PDE10A: variants seen among roughly 807,000 people sequenced by gnomAD.
PDE10A encodes the protein phosphodiesterase 10A, also known as cAMP and cAMP-inhibited cGMP 3',5'-cyclic phosphodiesterase 10A.
In PDE10A, 39 loss-of-function variants were observed where a neutral mutation model predicts 97.7. That is an observed-to-expected ratio of 0.40 (90% CI 0.31 to 0.52). The LOEUF is 0.52. PDE10A is among the 20% of genes least tolerant of loss of function. The pLI is 0.56. For missense variants in PDE10A, 731 were observed against 1,047.8 expected (o/e 0.70, Z 4.17); for synonymous variants, 371 against 376.8 (o/e 0.98, Z 0.18).
Position 165,875,288 on chromosome 6 carries a change from T to A in PDE10A, c.-615+112241A>T, listed in dbSNP as rs777526962. Reference sequence around the variant, plus strand: ...GCAAAAATGGACCACAGTATGAACATCAAAACCTTGATCTCTTATGAAATG... The same window carrying A: ...GCAAAAATGGACCACAGTATGAACAACAAAACCTTGATCTCTTATGAAATG... On this transcript the variant is annotated intron_variant, in intron 1 of 19. Transcript: ENST00000366882. 1.8e-4 allele frequency among the ~76,000 whole-genome samples: 28 copies of A among 152,254 alleles called. 1 individual carries two copies. Among genetic ancestry groups the A allele is most frequent in the Non-Finnish European group, 3.4e-4 (23 of 68,024 alleles).
chr6:165,916,005 C>T (rs947426476), intron 1 of PDE10A, among the ~76,000 whole-genome samples: 1 of 152,202 alleles, frequency 6.6e-6, no homozygotes, highest in East Asian at 1.9e-4. Context: ...TAACTTCGGC[C>T]ATGTCATTAG....
intron 5 of PDE10A, among the ~76,000 whole-genome samples, chr6:165,437,286 ATGTT>A (rs900200594): frequency 1.3e-5 from 2 of 152,060 alleles, no homozygotes; most frequent in Non-Finnish European, 2.9e-5. Flanking sequence ...ATTTAATCAC[ATGTT>A]TAAGTTATAC....
intron 1 of PDE10A, among the ~76,000 whole-genome samples, chr6:165,945,135 G>A (rs951352628): frequency 6.6e-6 from 1 of 152,190 alleles, no homozygotes; most frequent in Non-Finnish European, 1.5e-5. Flanking sequence ...TGCAGCTTCT[G>A]ACTTGGTTGC....
intron 20 of PDE10A, 22 bp from the exon 21 acceptor site, chr6:165,336,233 G>C (rs774929597): frequency 1.3e-6 from 2 of 1,575,586 alleles, no homozygotes; most frequent in South Asian, 1.1e-5. Context: ...CAAAAACCAC[G>C]GACAAGAAAC....
intron 2 of PDE10A, among the ~76,000 whole-genome samples, chr6:165,540,409 TTTCA>T (rs1315809054): frequency 6.6e-6 from 1 of 152,222 alleles, no homozygotes. Flanking sequence ...CACGGTTTTA[TTTCA>T]TTTTCTTTTT....
intron 1 of PDE10A, among the ~76,000 whole-genome samples, chr6:165,936,017 G>A (rs79354029): frequency 0.032 from 4,892 of 152,320 alleles, 248 homozygotes; most frequent in African/African-American, 0.11. Flanking sequence ...TTGGATGTAG[G>A]TGATGCACAT....
chr6:165,591,911 C>T (rs1157746894), intron 1 of PDE10A, among the ~76,000 whole-genome samples: 3 of 152,092 alleles, frequency 2.0e-5, no homozygotes, highest in Non-Finnish European at 4.4e-5. Flanking sequence ...CATTTTAAAA[C>T]ACAAATAGAC....
intron 1 of PDE10A, among the ~76,000 whole-genome samples, chr6:165,959,688 C>T (rs1469365337): frequency 6.6e-6 from 1 of 152,138 alleles, no homozygotes; most frequent in African/African-American, 2.4e-5. Flanking sequence ...TTGAGCCTGA[C>T]CCCCAGGGGA....
intron 1 of PDE10A, among the ~76,000 whole-genome samples, chr6:165,964,755 T>C (rs1784460515): frequency 1.3e-5 from 2 of 152,230 alleles, no homozygotes; most frequent in African/African-American, 2.4e-5. Flanking sequence ...AGCTAAAATA[T>C]TCCTTAAACA....
At chr6:165,613,777 A>G (rs1265657917) in intron 1 of PDE10A, among the ~76,000 whole-genome samples, 1 of 152,224 alleles carries the variant, frequency 6.6e-6, no homozygotes, top group African/African-American at 2.4e-5. Context: ...TTAATTAACA[A>G]CTATACTCCA....
At chr6:165,459,438 A>G (rs894484415) in intron 3 of PDE10A, among the ~76,000 whole-genome samples, 1 of 152,132 alleles carries the variant, frequency 6.6e-6, no homozygotes, top group Non-Finnish European at 1.5e-5. Context: ...AATGGCATTT[A>G]AAATCCAAGA....
intron 1 of PDE10A, among the ~76,000 whole-genome samples, chr6:165,574,981 G>A (rs1028043696): frequency 6.6e-6 from 1 of 152,078 alleles, no homozygotes; most frequent in Non-Finnish European, 1.5e-5. Flanking sequence ...TCCCCTCTCT[G>A]ATGACACCAT....
At chr6:165,748,155 C>A (rs1792886219) in intron 1 of PDE10A, among the ~76,000 whole-genome samples, 1 of 152,098 alleles carries the variant, frequency 6.6e-6, no homozygotes, top group Non-Finnish European at 1.5e-5. Context: ...GTCAGACAGC[C>A]CAGAAAAAAA....
At chr6:165,650,772 T>G (rs1185148361) in intron 1 of PDE10A, among the ~76,000 whole-genome samples, 3 of 152,104 alleles carry the variant, frequency 2.0e-5, no homozygotes, top group Non-Finnish European at 2.9e-5. Flanking sequence ...TTTTTTTTTT[T>G]TTGTCGCCAG....
chr6:165,354,326 A>G (rs551630232), intron 18 of PDE10A, among the ~76,000 whole-genome samples: 1 of 152,322 alleles, frequency 6.6e-6, no homozygotes, highest in South Asian at 2.1e-4. Context: ...CATCCTGAAT[A>G]AAGAACAACC....
chr6:165,733,662 C>G (rs1792494201), intron 1 of PDE10A, among the ~76,000 whole-genome samples: 1 of 152,196 alleles, frequency 6.6e-6, no homozygotes, highest in Non-Finnish European at 1.5e-5. Flanking sequence ...AAGTCTGAGA[C>G]TTTAAAAGGC....
intron 1 of PDE10A, among the ~76,000 whole-genome samples, chr6:165,707,399 A>G (rs1056627066): frequency 6.6e-6 from 1 of 152,054 alleles, no homozygotes; most frequent in Non-Finnish European, 1.5e-5. Flanking sequence ...TCCCTCTTCC[A>G]CCTTCTGAGA....
At chr6:165,787,999 T>G (rs2128462950) in intron 1 of PDE10A, among the ~76,000 whole-genome samples, 1 of 152,250 alleles carries the variant, frequency 6.6e-6, no homozygotes, top group Admixed American at 6.5e-5. Flanking sequence ...TCAATGAGAG[T>G]GTGATGTATA....
At chr6:165,602,234 TC>T (rs1266047792) in intron 1 of PDE10A, among the ~76,000 whole-genome samples, 5 of 152,150 alleles carry the variant, frequency 3.3e-5, no homozygotes, top group Non-Finnish European at 7.4e-5. Flanking sequence ...GCCCCGCTGA[TC>T]CCCACTGTCT....
Sources: gnomAD v4.1 joint callset for allele counts (sites outside exome capture counted in the v4.1 genomes callset) on GRCh38, gnomAD v4.1.1 for gene constraint, MANE v1.5 for transcripts, NCBI Gene and HGNC (gene_info 2026-07-23, HGNC 2026-07-21) for gene names.